The following PDHX variants were observed in gnomAD, a reference collection of about 807,000 sequenced individuals.
The protein encoded by PDHX is pyruvate dehydrogenase complex component X.
PDHX carries 33 observed loss-of-function variants against 55.3 expected under a neutral mutation model. The observed-to-expected ratio is 0.60, with a 90% CI of 0.45 to 0.80. PDHX has a LOEUF of 0.80. Among genes scored for constraint, PDHX ranks in the 30% least tolerant of loss-of-function variants. PDHX has a pLI of 0.00. For synonymous variants in PDHX, 226 were observed against 219.4 expected, an observed-to-expected ratio of 1.03 and a Z score of -0.27; for missense variants, 622 against 619.9, an observed-to-expected ratio of 1.00 and a Z score of -0.04.
rs143997835 is a variant in PDHX, at chr11:34,960,495, C to G, written c.618C>G (p.Gly206=). 355 of 1,607,444 alleles carry G rather than the reference C, an allele frequency of 2.2e-4. 1 individual carries two copies. The African/African-American group carries it at 3.7e-3, about 17-fold the overall frequency. The part of the protein sequence containing the change: ...SLDASQGTAT[G]PRGIFTKEDA... ...ATGCTAGCCAGGGCACAGCCACTGG[C>G]CCTCGGGGGATATTCACTAAAGAGT... The change falls in exon 5 of 11, where the codon GGC becomes GGG. Residue 206 remains glycine, a synonymous_variant. Coordinates refer to ENST00000227868, the MANE Select transcript of PDHX (RefSeq NM_003477.3).
intron 9 of PDHX, among the ~76,000 whole-genome samples, chr11:34,991,172 T>C (rs1014918460): frequency 1.2e-4 from 18 of 152,212 alleles, no homozygotes; most frequent in Non-Finnish European, 2.5e-4. Flanking sequence ...GAAATCGCTG[T>C]GGTCAAGAGT....
chr11:34,966,314 T>G (rs1285336280), intron 5 of PDHX, among the ~76,000 whole-genome samples: 2 of 152,218 alleles, frequency 1.3e-5, no homozygotes, highest in Non-Finnish European at 2.9e-5. Context: ...AGTGGTTTAA[T>G]TAATTGTTCA....
intron 2 of PDHX, among the ~76,000 whole-genome samples, chr11:34,947,205 T>C (rs1854640428): frequency 6.6e-6 from 1 of 152,178 alleles, no homozygotes; most frequent in African/African-American, 2.4e-5. Flanking sequence ...TGGATACACA[T>C]TTGTTGCTGA....
At chr11:34,987,750 A>G (rs10836327) in intron 9 of PDHX, among the ~76,000 whole-genome samples, 14,306 of 105,374 alleles carry the variant, frequency 0.14, 1,046 homozygotes, top group East Asian at 0.37. Context: ...GTGTGTGTGT[A>G]TGTGTGTGTG....
chr11:34,970,458 T>C (rs1391065955), intron 7 of PDHX, among the ~76,000 whole-genome samples, 172 bp downstream of exon 7: 1 of 152,182 alleles, frequency 6.6e-6, no homozygotes, highest in Non-Finnish European at 1.5e-5. Flanking sequence ...AAATTAGCAA[T>C]GGTTTCCTTG....
intron 6 of PDHX, among the ~76,000 whole-genome samples, chr11:34,968,924 C>T (rs1192276860): frequency 1.3e-5 from 2 of 152,044 alleles, no homozygotes; most frequent in Non-Finnish European, 2.9e-5. Flanking sequence ...TCCATGTGTA[C>T]TTGAAAAGAT....
chr11:34,995,285 T>G lies in PDHX; in HGVS notation c.*113T>G. On this transcript the variant is annotated 3_prime_UTR_variant, in exon 11 of 11. Transcript: ENST00000227868. The stretch of plus-strand genomic sequence containing the variant: ...TTAAGTATGAAGTGGATGAAATGTT[T>G]ATTTATTTAAGGTGAAAGCATTTGA... 2 of 1,207,520 alleles carry G rather than the reference T, an allele frequency of 1.7e-6. No homozygotes were observed. The highest frequency in any genetic ancestry group is 1.2e-6 in the Non-Finnish European group (1 of 819,370). The allele number at this position is 1,207,520 out of a possible 1,614,324, so 74.8% of individuals were successfully genotyped here.
Position 34,985,188 on chromosome 11 carries a change from A to G in PDHX, c.1182+460A>G, listed in dbSNP as rs111685056. Among the ~76,000 whole-genome samples, 7 of 152,348 alleles carry G rather than the reference A, an allele frequency of 4.6e-5. 1 individual carries two copies. The highest frequency in any genetic ancestry group is 1.4e-4 in the African/African-American group (6 of 41,582). On this transcript the variant is annotated intron_variant, in intron 9 of 10. Coordinates refer to ENST00000227868, the MANE Select transcript of PDHX (RefSeq NM_003477.3). ...CCAGGCGCGGTGTCTCACGCCTGTAATGCCAGCGCTTTGGGAGGCCGAGGT... is the reference window on the plus strand; with the variant it reads ...CCAGGCGCGGTGTCTCACGCCTGTAGTGCCAGCGCTTTGGGAGGCCGAGGT...
chr11:34,981,079 G>T (rs1326440787), intron 8 of PDHX, among the ~76,000 whole-genome samples: 1 of 151,736 alleles, frequency 6.6e-6, no homozygotes, highest in African/African-American at 2.4e-5. Context: ...TACATGTGCC[G>T]TGTTGGTGTG....
intron 8 of PDHX, among the ~76,000 whole-genome samples, chr11:34,978,639 A>G (rs922920901): frequency 2.6e-5 from 4 of 152,114 alleles, no homozygotes; most frequent in Non-Finnish European, 4.4e-5. Context: ...GGAGTGAGCC[A>G]CATAGGTATG....
chr11:34,920,206 G>A lies in PDHX; in HGVS notation c.160+3391G>A, dbSNP rs77698352. Among the ~76,000 whole-genome samples, 1,400 of 152,136 alleles carry A rather than the reference G, an allele frequency of 9.2e-3. 11 individuals are homozygous for A. The highest frequency in any genetic ancestry group is 0.016 in the Non-Finnish European group (1,063 of 67,976). On this transcript the variant is annotated intron_variant, in intron 1 of 10. Coordinates refer to ENST00000227868, the MANE Select transcript of PDHX (RefSeq NM_003477.3). ...GTTAACTTCAGAGAGTTTAAATTGT[G>A]GTCCTTTCAGAGTAGGTAGCATGAT...
chr11:34,944,250 G>T (rs1453652660), intron 2 of PDHX, among the ~76,000 whole-genome samples: 1 of 151,954 alleles, frequency 6.6e-6, no homozygotes, highest in Non-Finnish European at 1.5e-5. Context: ...CTCCCGAGTA[G>T]CTGGGACCAC....
rs1056062809 is a variant in PDHX, at chr11:34,995,481, A to G, written c.*309A>G. 2.9e-6 allele frequency: 1 copy of G among 347,516 alleles called. No homozygotes were observed. The highest frequency in any genetic ancestry group is 2.1e-5 in the African/African-American group (1 of 46,936). The allele number at this position is 347,516 out of a possible 1,614,324, so 21.5% of individuals were successfully genotyped here. The stretch of plus-strand genomic sequence containing the variant: ...GTAAATCAAAGTATATGTTTGGCTC[A>G]TTTGAGCATTTTGGAATATTTGAGA... On this transcript the variant is annotated 3_prime_UTR_variant, in exon 11 of 11. Coordinates refer to ENST00000227868, the MANE Select transcript of PDHX (RefSeq NM_003477.3).
chr11:34,943,787 A>G (rs1318927284), intron 2 of PDHX, among the ~76,000 whole-genome samples: 1 of 152,126 alleles, frequency 6.6e-6, no homozygotes, highest in Non-Finnish European at 1.5e-5. Flanking sequence ...GCCTGTTTAC[A>G]GATTGTCTCC....
intron 9 of PDHX, among the ~76,000 whole-genome samples, chr11:34,991,275 A>G (rs977065040): frequency 2.0e-5 from 3 of 152,156 alleles, no homozygotes; most frequent in African/African-American, 7.2e-5. Flanking sequence ...TCAAGAACCA[A>G]AAGAAGTCTA....
At chr11:34,928,974 T>C (rs149030362) in intron 1 of PDHX, among the ~76,000 whole-genome samples, 114 of 152,358 alleles carry the variant, frequency 7.5e-4, no homozygotes, top group African/African-American at 2.5e-3. Flanking sequence ...GAAAGCTATC[T>C]TCTAGTTATA....
chr11:34,926,157 G>A (rs1459122547), intron 1 of PDHX, among the ~76,000 whole-genome samples: 2 of 152,044 alleles, frequency 1.3e-5, no homozygotes, highest in African/African-American at 4.8e-5. Context: ...TATGACAAAC[G>A]ATCCTTTAAA....
chr11:34,991,633 G>T (rs1043574847), intron 9 of PDHX, among the ~76,000 whole-genome samples: 2 of 152,206 alleles, frequency 1.3e-5, no homozygotes, highest in Admixed American at 1.3e-4. Context: ...GATTGGCCAG[G>T]CATGGTGGCT....
At chr11:34,970,384 C>T in intron 7 of PDHX, 98 bp downstream of exon 7, 1 of 1,001,692 alleles carries the variant, frequency 1.0e-6, no homozygotes, top group Non-Finnish European at 1.5e-6. Context: ...CATTGTGTAG[C>T]TTTTAATTTC....
Sources: gnomAD v4.1 joint callset for allele counts (sites outside exome capture counted in the v4.1 genomes callset) on GRCh38, gnomAD v4.1.1 for gene constraint, MANE v1.5 for transcripts, NCBI Gene and HGNC (gene_info 2026-07-23, HGNC 2026-07-21) for gene names.